FER1L6: variants seen among roughly 807,000 people sequenced by gnomAD.
FER1L6 encodes fer-1-like protein 6.
A neutral mutation model predicts 219.2 loss-of-function variants in FER1L6; 177 were observed. The ratio of observed to expected loss-of-function variants is 0.81; its 90% CI spans 0.71 to 0.91. The LOEUF is 0.91. Among genes scored for constraint, FER1L6 ranks in the 40% least tolerant of loss-of-function variants. FER1L6 has a pLI of 0.00. For synonymous variants in FER1L6, 768 were observed against 824.3 expected (o/e 0.93, Z 1.17); for missense variants, 2,153 against 2,259.9 (o/e 0.95, Z 0.96).
In FER1L6 at chr8:123,919,493, G is replaced by A. The variant is rs1813294566; in HGVS notation, c.-7-36499G>A. Among the ~76,000 whole-genome samples the A allele has an allele frequency of 3.9e-5, 6 of 152,204 alleles. No individual in the cohort carries two copies. The South Asian group carries it at 1.2e-3, about 31-fold the overall frequency. On this transcript the variant is annotated intron_variant, in intron 1 of 40. Transcript: ENST00000522917. ...GCAATACAGGTGCCCCTCAGTGCTT[G>A]CCCTGGGGGGCCTGCCACAGCACAG...
chr8:123,956,653 AGTT>A (rs1363676365), intron 2 of FER1L6, among the ~76,000 whole-genome samples: 3 of 152,260 alleles, frequency 2.0e-5, no homozygotes, highest in Non-Finnish European at 2.9e-5. Context: ...AATGCACAGC[AGTT>A]GTTAAGTTAT....
chr8:123,925,061 C>T (rs1449756939), intron 1 of FER1L6, among the ~76,000 whole-genome samples: 1 of 152,182 alleles, frequency 6.6e-6, no homozygotes, highest in East Asian at 1.9e-4. Context: ...CATCTGATTA[C>T]AATTATTTGT....
rs1823415295 is a variant in FER1L6 at position 124,119,863 on chromosome 8, G to A, written c.*73G>A. 1 of 1,485,272 alleles carries A rather than the reference G, an allele frequency of 6.7e-7. No individual in the cohort carries two copies. Among genetic ancestry groups the A allele is most frequent in the East Asian group, 2.3e-5 (1 of 44,338 alleles). 92.0% of individuals were successfully genotyped at this position (1,485,272 alleles called of 1,614,324 possible). A position where few individuals can be genotyped will look rare whatever the true frequency, so the allele number is the denominator to read the frequency against. On this transcript the variant is annotated 3_prime_UTR_variant, in exon 41 of 41. Coordinates refer to ENST00000522917, the MANE Select transcript of FER1L6 (RefSeq NM_001039112.2). Reference sequence around the variant, plus strand: ...CTTATCTGGGAGCATCTAAGAACATGTCCCATGCATGGCACTGTGCTGAGT... The same window carrying A: ...CTTATCTGGGAGCATCTAAGAACATATCCCATGCATGGCACTGTGCTGAGT...
intron 29 of FER1L6, 99 bp from the exon 30 acceptor site, chr8:124,070,368 C>G: frequency 7.6e-7 from 1 of 1,324,190 alleles, no homozygotes; most frequent in Non-Finnish European, 1.0e-6. Flanking sequence ...TCCCAAGGGG[C>G]ATATATCAAG....
chr8:123,960,672 T>C (rs1410573909), intron 2 of FER1L6, among the ~76,000 whole-genome samples: 3 of 152,068 alleles, frequency 2.0e-5, no homozygotes, highest in African/African-American at 7.2e-5. Flanking sequence ...TGTGGCAGCA[T>C]CTGTCTAATC....
intron 18 of FER1L6, among the ~76,000 whole-genome samples, chr8:124,032,570 C>CA (rs1417228410): frequency 2.6e-5 from 4 of 151,842 alleles, no homozygotes; most frequent in Non-Finnish European, 5.9e-5. Context: ...CTCTACCTCC[C>CA]AAAAAATCAA....
chr8:123,910,687 T>A (rs1813035025), intron 1 of FER1L6, among the ~76,000 whole-genome samples: 2 of 152,150 alleles, frequency 1.3e-5, no homozygotes, highest in Admixed American at 6.6e-5. Context: ...CAAAACTTGC[T>A]TAAGTGTCTT....
chr8:123,938,425 G>A (rs1306007064), intron 1 of FER1L6, among the ~76,000 whole-genome samples: 1 of 152,044 alleles, frequency 6.6e-6, no homozygotes, highest in Non-Finnish European at 1.5e-5. Flanking sequence ...GACATTTGGT[G>A]GAACCATTTT....
At chr8:123,892,091 A>C (rs1812657368) in intron 1 of FER1L6, among the ~76,000 whole-genome samples, 1 of 152,204 alleles carries the variant, frequency 6.6e-6, no homozygotes, top group Admixed American at 6.5e-5. Flanking sequence ...GTTTATAGAA[A>C]TCTTACCTTA....
At chr8:124,018,241 A>G (rs369841661) in intron 16 of FER1L6, among the ~76,000 whole-genome samples, 11 of 152,318 alleles carry the variant, frequency 7.2e-5, no homozygotes, top group African/African-American at 2.6e-4. Flanking sequence ...GCCCTGGATT[A>G]TCTCAATTGA....
At chr8:123,907,857 A>G (rs1563680638) in intron 1 of FER1L6, among the ~76,000 whole-genome samples, 1 of 151,848 alleles carries the variant, frequency 6.6e-6, no homozygotes, top group Non-Finnish European at 1.5e-5. Flanking sequence ...CCTGGATGTC[A>G]GAGGGGCAGT....
intron 1 of FER1L6, among the ~76,000 whole-genome samples, chr8:123,903,307 T>C (rs1259761955): frequency 6.6e-6 from 1 of 152,226 alleles, no homozygotes; most frequent in Non-Finnish European, 1.5e-5. Flanking sequence ...TTTTTAGTAG[T>C]GGTATTTCCA....
At chr8:124,022,318 T>C (rs892796642) in intron 17 of FER1L6, among the ~76,000 whole-genome samples, 6 of 152,220 alleles carry the variant, frequency 3.9e-5, no homozygotes, top group African/African-American at 1.4e-4. Context: ...GATGTCCTCT[T>C]TGGGGATTAG....
At chr8:123,908,662 A>T (rs1481210065) in intron 1 of FER1L6, among the ~76,000 whole-genome samples, 1 of 152,190 alleles carries the variant, frequency 6.6e-6, no homozygotes, top group Non-Finnish European at 1.5e-5. Context: ...GCAGTGTGGG[A>T]ACACACAGAT....
At position 124,039,927 on chromosome 8, in the gene FER1L6, G is replaced by A. The variant is rs1448959393; in HGVS notation, c.2510G>A (p.Gly837Asp). ...QLRAHMYQAR[G>D]LIAADSNGLS... Reference sequence around the variant, plus strand: ...AGGGCTCACATGTACCAAGCCCGGGGCCTCATCGCAGCTGACAGCAATGGA... The same window carrying A: ...AGGGCTCACATGTACCAAGCCCGGGACCTCATCGCAGCTGACAGCAATGGA... Residue 837 changes from glycine (G) to aspartate (D), a missense_variant, in exon 20 of 41, where the codon GGC (glycine) becomes GAC (aspartate). Physicochemically the swap from Gly to Asp is moderately conservative, Grantham distance 94. Transcript: ENST00000522917. The A allele has an allele frequency of 6.2e-6, 10 of 1,614,122 alleles. No homozygotes were observed. Among genetic ancestry groups the A allele is most frequent in the Non-Finnish European group, 7.6e-6 (9 of 1,180,006 alleles).
intron 39 of FER1L6, among the ~76,000 whole-genome samples, chr8:124,108,813 G>A (rs530497745): frequency 1.3e-5 from 2 of 152,206 alleles, no homozygotes; most frequent in African/African-American, 4.8e-5. Flanking sequence ...AGGAGTTCAA[G>A]GTTGCAGTGA....
At chr8:123,885,116 G>A (rs1817177312) in intron 1 of FER1L6, among the ~76,000 whole-genome samples, 1 of 152,164 alleles carries the variant, frequency 6.6e-6, no homozygotes, top group Admixed American at 6.5e-5. Context: ...TGAGAAAGAG[G>A]GGAGAGGGGA....
At chr8:124,071,956 C>G (rs959737902) in intron 31 of FER1L6, among the ~76,000 whole-genome samples, 3 of 152,148 alleles carry the variant, frequency 2.0e-5, no homozygotes, top group African/African-American at 7.2e-5. Context: ...ACTATGACCT[C>G]ATTTAACCTT....
intron 1 of FER1L6, among the ~76,000 whole-genome samples, chr8:123,898,761 A>G (rs1474581806): frequency 1.4e-5 from 2 of 141,186 alleles, no homozygotes; most frequent in Non-Finnish European, 3.1e-5. Context: ...ATATATACAC[A>G]TATATATGTG....
Sources: gnomAD v4.1 joint callset for allele counts (sites outside exome capture counted in the v4.1 genomes callset) on GRCh38, gnomAD v4.1.1 for gene constraint, MANE v1.5 for transcripts, NCBI Gene and HGNC (gene_info 2026-07-23, HGNC 2026-07-21) for gene names.